Variants in GABRB1 observed in about 807,000 individuals in gnomAD.
GABRB1 encodes gamma-aminobutyric acid type A receptor subunit beta1.
A neutral mutation model predicts 51.6 loss-of-function variants in GABRB1; 17 were observed. That is an observed-to-expected ratio of 0.33 (90% CI 0.23 to 0.49). The LOEUF (loss-of-function observed/expected upper bound fraction) is 0.49. Ranked by LOEUF, GABRB1 falls within the 20% of genes least tolerant of loss-of-function variation. The probability of loss-of-function intolerance (pLI) is 0.99; values close to 1 mark genes in which losing one functional copy is unlikely to be tolerated. For missense variants in GABRB1, 410 were observed against 600.6 expected, an observed-to-expected ratio of 0.68 and a Z score of 3.32; for synonymous variants, 247 against 218.9, an observed-to-expected ratio of 1.13 and a Z score of -1.14.
chr4:47,092,489 A>G (rs73247636), intron 3 of GABRB1, among the ~76,000 whole-genome samples: 17,305 of 151,942 alleles, frequency 0.11, 1,257 homozygotes, highest in Non-Finnish European at 0.16. Context: ...CAGGAATTCT[A>G]AAGGGCTTGG....
Position 47,045,827 on chromosome 4 carries a change from T to C in GABRB1, c.240+13343T>C, listed in dbSNP as rs544543837. On this transcript the variant is annotated intron_variant, in intron 3 of 8. Transcript: ENST00000295454. ...ACTTTTGTGGGGAACACACATTCAG[T>C]CTATAGCAATCATTATCATCATCAT... Among the ~76,000 whole-genome samples, 6 of 152,158 alleles carry C rather than the reference T, an allele frequency of 3.9e-5. No individual in the cohort carries two copies. In the East Asian group the frequency reaches 1.2e-3, roughly 29 times the overall value.
chr4:47,408,738 A>C (rs978282237), intron 8 of GABRB1, among the ~76,000 whole-genome samples: 2 of 152,182 alleles, frequency 1.3e-5, no homozygotes, highest in Non-Finnish European at 2.9e-5. Context: ...TACCAGCTTT[A>C]AAAGTACTTT....
chr4:47,269,216 A>T (rs905276537), intron 4 of GABRB1, among the ~76,000 whole-genome samples: 1 of 152,204 alleles, frequency 6.6e-6, no homozygotes, highest in Admixed American at 6.5e-5. Context: ...ACACTATTTA[A>T]TTCTCAGAAG....
intron 4 of GABRB1, among the ~76,000 whole-genome samples, chr4:47,269,144 A>T (rs887729095): frequency 1.3e-5 from 2 of 152,098 alleles, no homozygotes; most frequent in Non-Finnish European, 2.9e-5. Flanking sequence ...TTTTTTATTC[A>T]TTTGCATCAG....
intron 3 of GABRB1, among the ~76,000 whole-genome samples, chr4:47,034,823 T>C (rs1380979475): frequency 2.0e-5 from 3 of 152,168 alleles, no homozygotes; most frequent in Non-Finnish European, 4.4e-5. Flanking sequence ...GAGAATTGTT[T>C]ATTATATGTT....
intron 4 of GABRB1, among the ~76,000 whole-genome samples, chr4:47,227,333 T>C (rs1434027133): frequency 6.6e-6 from 1 of 152,198 alleles, no homozygotes; most frequent in Non-Finnish European, 1.5e-5. Context: ...AGCAATTGCT[T>C]ACATTTATTA....
intron 7 of GABRB1, 125 bp from the exon 8 acceptor site, chr4:47,406,557 A>G (rs1560372389): frequency 1.7e-6 from 2 of 1,169,652 alleles, no homozygotes; most frequent in Non-Finnish European, 2.4e-6. Context: ...CCAATGGTTT[A>G]TCATGCTACT....
intron 4 of GABRB1, among the ~76,000 whole-genome samples, chr4:47,292,447 A>G (rs905127563): frequency 1.3e-5 from 2 of 152,268 alleles, no homozygotes; most frequent in Non-Finnish European, 2.9e-5. Context: ...TATAATTGAA[A>G]ATACTTTACT....
At chr4:47,294,199 G>A (rs939746263) in intron 4 of GABRB1, among the ~76,000 whole-genome samples, 4 of 152,176 alleles carry the variant, frequency 2.6e-5, no homozygotes, top group Admixed American at 1.3e-4. Flanking sequence ...GATGATTTCT[G>A]CATTTCCATC....
intron 5 of GABRB1, among the ~76,000 whole-genome samples, chr4:47,394,908 G>A (rs943732958): frequency 3.9e-5 from 6 of 152,052 alleles, no homozygotes; most frequent in South Asian, 2.1e-4. Flanking sequence ...AGGCAGGTCC[G>A]GGTGGTGCTG....
intron 5 of GABRB1, among the ~76,000 whole-genome samples, chr4:47,348,539 C>T (rs1451575764): frequency 6.6e-6 from 1 of 152,164 alleles, no homozygotes; most frequent in Non-Finnish European, 1.5e-5. Flanking sequence ...CTTGGGTTCC[C>T]TCCCCTAGAT....
At position 47,409,167 on chromosome 4, in the gene GABRB1, G is replaced by A. The variant is rs561226099; in HGVS notation, c.1080+2241G>A. On this transcript the variant is annotated intron_variant, in intron 8 of 8. Coordinates refer to ENST00000295454, the MANE Select transcript of GABRB1 (RefSeq NM_000812.4). Reference sequence around the variant, plus strand: ...CCCATGGTAGCATCTAGAGTTGGGTGCCTGCGACTCCCGAAGCCCCAGTAG... The same window carrying A: ...CCCATGGTAGCATCTAGAGTTGGGTACCTGCGACTCCCGAAGCCCCAGTAG... Among the ~76,000 whole-genome samples, 14 of 152,254 alleles carry A rather than the reference G, an allele frequency of 9.2e-5. 1 individual carries two copies. The South Asian group carries it at 1.9e-3, about 20-fold the overall frequency.
chr4:47,007,866 G>GTATATA lies in GABRB1; in HGVS notation c.-20+13963_-20+13968dup, dbSNP rs1165939097. Among the ~76,000 whole-genome samples, 243 of 49,936 alleles carry GTATATA rather than the reference G, an allele frequency of 4.9e-3. 15 individuals carry two copies. The highest frequency in any genetic ancestry group is 9.8e-3 in the African/African-American group (124 of 12,668). The allele number at this position is 49,936 out of a possible 152,430, so 32.8% of individuals were successfully genotyped here. A position where few individuals can be genotyped will look rare whatever the true frequency, so the allele number is the denominator to read the frequency against. On this transcript the variant is annotated intron_variant, in intron 1 of 3. Transcript: ENST00000513567. ...TTAAAGGACGTATACCTTGGAACTG[G>GTATATA]TATATATATATATATATATATATAT...
intron 4 of GABRB1, among the ~76,000 whole-genome samples, chr4:47,173,658 A>G (rs1199597424): frequency 6.6e-6 from 1 of 152,212 alleles, no homozygotes; most frequent in Non-Finnish European, 1.5e-5. Context: ...TTTGTTCAGA[A>G]GTGCCTCAGG....
chr4:47,325,785 T>C (rs1560334448), intron 5 of GABRB1, among the ~76,000 whole-genome samples: 1 of 152,204 alleles, frequency 6.6e-6, no homozygotes, highest in Non-Finnish European at 1.5e-5. Flanking sequence ...CCAATCTAAG[T>C]TAGGAACCAG....
chr4:47,052,887 C>T (rs1215355132), intron 3 of GABRB1, among the ~76,000 whole-genome samples: 1 of 152,120 alleles, frequency 6.6e-6, no homozygotes, highest in Non-Finnish European at 1.5e-5. Flanking sequence ...GAGATGAGTA[C>T]AAGTTTAGTG....
At chr4:47,365,087 C>G (rs1256554545) in intron 5 of GABRB1, among the ~76,000 whole-genome samples, 1 of 152,220 alleles carries the variant, frequency 6.6e-6, no homozygotes, top group Non-Finnish European at 1.5e-5. Flanking sequence ...GAGCACCTAG[C>G]TGACTGCACT....
intron 3 of GABRB1, among the ~76,000 whole-genome samples, chr4:47,098,293 C>A (rs1714553986): frequency 6.6e-6 from 1 of 152,008 alleles, no homozygotes; most frequent in African/African-American, 2.4e-5. Flanking sequence ...CTTCCCCACC[C>A]CAAATCAATA....
intron 4 of GABRB1, among the ~76,000 whole-genome samples, chr4:47,171,124 T>C (rs1718420090): frequency 6.6e-6 from 1 of 152,156 alleles, no homozygotes; most frequent in South Asian, 2.1e-4. Flanking sequence ...ATGTTATTTG[T>C]GGATGTATCA....
Sources: allele counts gnomAD v4.1 joint callset (sites outside exome capture counted in the v4.1 genomes callset), GRCh38; gene constraint gnomAD v4.1.1; transcripts MANE v1.5; gene names NCBI Gene and HGNC (gene_info 2026-07-23, HGNC 2026-07-21).